The following SCRT2 variants were observed in gnomAD, a reference collection of about 807,000 sequenced individuals.
SCRT2 encodes the protein transcriptional repressor scratch 2.
SCRT2 carries 2 observed loss-of-function variants against 3.7 expected under a neutral mutation model. The observed-to-expected ratio is 0.54, with a 90% CI of 0.22 to 1.70. The LOEUF (loss-of-function observed/expected upper bound fraction) is 1.70. Ranked by LOEUF, SCRT2 falls within the 40% of genes most tolerant of loss-of-function variation. The pLI, the probability that SCRT2 is intolerant of heterozygous loss-of-function variation, is 0.19. For missense variants in SCRT2, 456 were observed against 468.5 expected, an observed-to-expected ratio of 0.97 and a Z score of 0.25; for synonymous variants, 256 against 220.6, an observed-to-expected ratio of 1.16 and a Z score of -1.42.
chr20:674,378 A>ATCTC (rs142958054), intron 1 of SCRT2, among the ~76,000 whole-genome samples: 9 of 102,132 alleles, frequency 8.8e-5, no homozygotes, highest in African/African-American at 3.3e-4. Context: ...CCCCACCCCC[A>ATCTC]TCTCTCTCTC....
chr20:672,418 TGTGTGC>T (rs1274601206), intron 1 of SCRT2, among the ~76,000 whole-genome samples: 1 of 133,320 alleles, frequency 7.5e-6, no homozygotes, highest in Admixed American at 7.5e-5. Context: ...TGTGTGTGTG[TGTGTGC>T]GCGCGTGCGT....
chr20:675,427 G>T lies in SCRT2; in HGVS notation c.133+42C>A. 6 of 1,282,086 alleles carry T rather than the reference G, an allele frequency of 4.7e-6. No homozygotes were observed. The highest frequency in any genetic ancestry group is 6.0e-6 in the Non-Finnish European group (6 of 1,003,506). The allele number at this position is 1,282,086 out of a possible 1,614,324, so 79.4% of individuals were successfully genotyped here. A position where few individuals can be genotyped will look rare whatever the true frequency, so the allele number is the denominator to read the frequency against. On this transcript the variant is annotated intron_variant, in intron 1 of 1. Transcript: ENST00000246104. The surrounding 1 kb of genome is among the most constrained non-coding windows in gnomAD (Gnocchi z 6.9). Reference sequence around the variant, plus strand: ...GCTGGGGAGGGCCCCAGCTCCCCTCGCCTCTTCTCCCAACCCCCCGCCCCC... The same window carrying T: ...GCTGGGGAGGGCCCCAGCTCCCCTCTCCTCTTCTCCCAACCCCCCGCCCCC...
Position 667,221 on chromosome 20 carries a change from C to T in SCRT2, c.134-2760G>A, listed in dbSNP as rs754967227. ...CTTTCCACACATGAAAGCATTCTAC[C>T]CCCATGACACACAAGGTGGTAGGTA... is the stretch of plus-strand genomic sequence containing the variant. On this transcript the variant is annotated intron_variant, in intron 1 of 1. Coordinates refer to ENST00000246104, the MANE Select transcript of SCRT2 (RefSeq NM_033129.4). The surrounding 1 kb of genome is among the most constrained non-coding windows in gnomAD (Gnocchi z 4.4). Among the ~76,000 whole-genome samples, 4 of 152,142 alleles carry T rather than the reference C, an allele frequency of 2.6e-5. No homozygotes were observed. The highest frequency in any genetic ancestry group is 4.4e-5 in the Non-Finnish European group (3 of 68,026).
chr20:674,805 G>A (rs983369309), intron 1 of SCRT2, among the ~76,000 whole-genome samples: 1 of 151,976 alleles, frequency 6.6e-6, no homozygotes, highest in Non-Finnish European at 1.5e-5. Flanking sequence ...CTGGGGATGG[G>A]GAAGGAGTGC....
chr20:664,410 G>A lies in SCRT2; in HGVS notation c.185C>T (p.Pro62Leu). 1 of 1,370,754 alleles carries A rather than the reference G, an allele frequency of 7.3e-7. No individual in the cohort carries two copies. The highest frequency in any genetic ancestry group is 1.5e-5 in the African/African-American group (1 of 67,370). The allele number at this position is 1,370,754 out of a possible 1,614,324, so 84.9% of individuals were successfully genotyped here. A position where few individuals can be genotyped will look rare whatever the true frequency, so the allele number is the denominator to read the frequency against. ...PPSSYDADQKPGLELAPAEPA... is the reference protein window; with the variant it reads ...PPSSYDADQKLGLELAPAEPA... ...CTCGGCCGGGGCCAGCTCCAGGCCC[G>A]GCTTCTGGTCCGCATCGTAGCTGCT... The change falls in exon 2 of 2, where the codon CCG (proline) becomes CTG (leucine). Residue 62 changes from proline to leucine, a missense_variant. Pro to Leu is a moderately conservative substitution (Grantham distance 98). This residue lies in a region of SCRT2 where 306 missense variants were observed against 305.3 expected (regional missense o/e 1.00). Transcript: ENST00000246104. The surrounding 1 kb of genome is among the most constrained non-coding windows in gnomAD (Gnocchi z 7.9).
rs1405219126 is a variant in SCRT2, at chr20:664,874, C to G, written c.134-413G>C. Among the ~76,000 whole-genome samples the G allele has an allele frequency of 6.6e-6, 1 of 152,238 alleles. No homozygotes were observed. The highest frequency in any genetic ancestry group is 1.5e-5 in the Non-Finnish European group (1 of 68,038). On this transcript the variant is annotated intron_variant, in intron 1 of 1. Transcript: ENST00000246104. The surrounding 1 kb of genome is among the most constrained non-coding windows in gnomAD (Gnocchi z 7.9). ...CCCTGAAGCCCATGCTGTCTCTATT[C>G]CAACAACATGCTGCCGTTGCAGCCC...
rs997090667 is a variant in SCRT2 at position 663,932 on chromosome 20, G to A, written c.663C>T (p.Phe221=). ...GACCCTGCAGCAGCCAGGGCCGCGA[G>A]AAGGCCTTGCCGCAGACGCCGCACT... The part of the protein sequence containing the change: ...RHKCGVCGKA[F]SRPWLLQGHM... The change falls in exon 2 of 2, where the codon TTC becomes TTT. Residue 221 remains phenylalanine, a synonymous_variant. Coordinates refer to ENST00000246104, the MANE Select transcript of SCRT2 (RefSeq NM_033129.4). This position sits in a 1 kb window ranked among gnomAD's most constrained non-coding sequence, Gnocchi z 6.9. The A allele has an allele frequency of 3.0e-5, 48 of 1,608,638 alleles. No homozygotes were observed. The Middle Eastern group carries it at 5.2e-4, about 17-fold the overall frequency.
rs1482018915 is a variant in SCRT2 at position 664,029 on chromosome 20, G to T, written c.566C>A (p.Pro189Gln). The change falls in exon 2 of 2, where the codon CCG becomes CAG. Residue 189 changes from proline to glutamine, a missense_variant. This residue lies in a region of SCRT2 where 306 missense variants were observed against 305.3 expected (regional missense o/e 1.00). Transcript: ENST00000246104. This position sits in a 1 kb window ranked among gnomAD's most constrained non-coding sequence, Gnocchi z 7.9. ...GGACACGTAGGCCTTGCCGCACGTC[G>T]GGCATTTGCGCGCCAGCTGGCTGTC... ...SLDSQLARKC[P>Q]TCGKAYVSMP... is the part of the protein sequence containing the mutation. The T allele has an allele frequency of 2.5e-6, 4 of 1,612,002 alleles. No individual in the cohort carries two copies. The highest frequency in any genetic ancestry group is 3.4e-6 in the Non-Finnish European group (4 of 1,179,606).
In SCRT2 at chr20:675,453, GC is replaced by G; in HGVS notation, c.133+15del. 7.7e-7 allele frequency: 1 copy of G among 1,294,496 alleles called. No individual in the cohort carries two copies. The highest frequency in any genetic ancestry group is 2.9e-5 in the East Asian group (1 of 33,942). 80.2% of individuals were successfully genotyped at this position (1,294,496 alleles called of 1,614,324 possible). A position where few individuals can be genotyped will look rare whatever the true frequency, so the allele number is the denominator to read the frequency against. On this transcript the variant is annotated intron_variant, in intron 1 of 1. Coordinates refer to ENST00000246104, the MANE Select transcript of SCRT2 (RefSeq NM_033129.4). This position sits in a 1 kb window ranked among gnomAD's most constrained non-coding sequence, Gnocchi z 6.9. ...CCTCTTCTCCCAACCCCCCGCCCCC[GC>G]CGGGTCCCACTCACCGTTGTCCCCG...
rs1202796630 is a variant in SCRT2 at position 663,428 on chromosome 20, G to C, written c.*243C>G. The C allele has an allele frequency of 5.2e-6, 2 of 384,584 alleles. No individual in the cohort carries two copies. The highest frequency in any genetic ancestry group is 4.2e-5 in the African/African-American group (2 of 47,392). 23.8% of individuals were successfully genotyped at this position (384,584 alleles called of 1,614,324 possible). On this transcript the variant is annotated 3_prime_UTR_variant, in exon 2 of 2. Transcript: ENST00000246104. This position sits in a 1 kb window ranked among gnomAD's most constrained non-coding sequence, Gnocchi z 6.9. ...GAGCCTTGAAGGCGCGGACAGGGGG[G>C]TCAAGGTCCGAGGGATGGCCGGAAA...
intron 1 of SCRT2, among the ~76,000 whole-genome samples, chr20:674,338 C>T (rs1984440181): frequency 6.6e-6 from 1 of 151,450 alleles, no homozygotes; most frequent in Non-Finnish European, 1.5e-5. Context: ...TTTCTCCTCT[C>T]TCAATCTCCC....
rs747328823 is a variant in SCRT2, at chr20:664,343, G to C, written c.252C>G (p.Pro84=). ...CCGACAGGCTCGACTGCGGGCTTTC[G>C]GGGTCGCTGTACTCCTCCGGCGCCG... ...PPAAPEEYSD[P]ESPQSSLSAR... is the part of the protein sequence containing the mutation. Residue 84 remains proline (P), a synonymous_variant, in exon 2 of 2, where the codon CCC becomes CCG. Transcript: ENST00000246104. This position sits in a 1 kb window ranked among gnomAD's most constrained non-coding sequence, Gnocchi z 7.9. 5 of 1,494,148 alleles carry C rather than the reference G, an allele frequency of 3.3e-6. No homozygotes were observed. Among genetic ancestry groups the C allele is most frequent in the Admixed American group, 1.9e-5 (1 of 51,984 alleles). The allele number at this position is 1,494,148 out of a possible 1,614,324, so 92.6% of individuals were successfully genotyped here.
At chr20:674,471 C>A (rs1441896843) in intron 1 of SCRT2, among the ~76,000 whole-genome samples, 4 of 150,786 alleles carry the variant, frequency 2.7e-5, no homozygotes, top group African/African-American at 9.8e-5. Flanking sequence ...GATGTCAGAT[C>A]TCTCACTACC....
At chr20:672,669 TAAG>T (rs1475244797) in intron 1 of SCRT2, among the ~76,000 whole-genome samples, 1 of 150,710 alleles carries the variant, frequency 6.6e-6, no homozygotes, top group East Asian at 1.9e-4. Context: ...GAATGGCTTG[TAAG>T]AAGATCTTTC....
At chr20:672,418 T>C (rs142987919) in intron 1 of SCRT2, among the ~76,000 whole-genome samples, 11,344 of 133,250 alleles carry the variant, frequency 0.085, 738 homozygotes, top group East Asian at 0.29. Context: ...TGTGTGTGTG[T>C]GTGTGCGCGC....
rs538062821 is a variant in SCRT2, at chr20:664,453, G to A, written c.142C>T (p.Pro48Ser). The A allele has an allele frequency of 2.4e-4, 310 of 1,267,526 alleles. No individual in the cohort carries two copies. The African/African-American group carries it at 4.4e-3, about 18-fold the overall frequency. 78.5% of individuals were successfully genotyped at this position (1,267,526 alleles called of 1,614,324 possible). ...RGPPGDNGYAPHRLPPSSYDA... is the reference protein window; with the variant it reads ...RGPPGDNGYASHRLPPSSYDA... ...TAGCTGCTCGGGGGCAGGCGGTGCG[G>A]GGCGTACCCTGGAGGGGGCGAGAAG... is the stretch of plus-strand genomic sequence containing the variant. The change falls in exon 2 of 2, where the codon CCG (proline) becomes TCG (serine). Residue 48 changes from proline (P) to serine (S), a missense_variant. Transcript: ENST00000246104. The surrounding 1 kb of genome is among the most constrained non-coding windows in gnomAD (Gnocchi z 7.9).
chr20:664,437 G>A lies in SCRT2; in HGVS notation c.158C>T (p.Pro53Leu), dbSNP rs746037825. Residue 53 changes from proline (P) to leucine (L), a missense_variant, in exon 2 of 2, where the codon CCG (proline) becomes CTG (leucine). Coordinates refer to ENST00000246104, the MANE Select transcript of SCRT2 (RefSeq NM_033129.4). The surrounding 1 kb of genome is among the most constrained non-coding windows in gnomAD (Gnocchi z 7.9). Reference protein sequence around the residue: ...DNGYAPHRLPPSSYDADQKPG... With the variant: ...DNGYAPHRLPLSSYDADQKPG... ...CTTCTGGTCCGCATCGTAGCTGCTC[G>A]GGGGCAGGCGGTGCGGGGCGTACCC... 2 of 1,288,794 alleles carry A rather than the reference G, an allele frequency of 1.6e-6. No homozygotes were observed. The highest frequency in any genetic ancestry group is 1.5e-5 in the African/African-American group (1 of 65,552). 79.8% of individuals were successfully genotyped at this position (1,288,794 alleles called of 1,614,324 possible). A position where few individuals can be genotyped will look rare whatever the true frequency, so the allele number is the denominator to read the frequency against.
intron 1 of SCRT2, among the ~76,000 whole-genome samples, chr20:668,445 G>A (rs564943626): frequency 6.6e-6 from 1 of 152,264 alleles, no homozygotes; most frequent in South Asian, 2.1e-4. Context: ...TCTTGTTTGG[G>A]TTCCCACAGA....
rs1984199492 is a variant in SCRT2 at position 667,712 on chromosome 20, G to A, written c.134-3251C>T. Among the ~76,000 whole-genome samples the A allele has an allele frequency of 6.6e-6, 1 of 152,178 alleles. No individual in the cohort carries two copies. The highest frequency in any genetic ancestry group is 1.5e-5 in the Non-Finnish European group (1 of 68,046). ...GCTCATTTGCCTAGGGAGGGCTGCAGAAGTGTCTTCAGGATAGGAATTGTG... is the reference window on the plus strand; with the variant it reads ...GCTCATTTGCCTAGGGAGGGCTGCAAAAGTGTCTTCAGGATAGGAATTGTG... On this transcript the variant is annotated intron_variant, in intron 1 of 1. Transcript: ENST00000246104. This position sits in a 1 kb window ranked among gnomAD's most constrained non-coding sequence, Gnocchi z 4.4.
Sources: allele counts gnomAD v4.1 joint callset (sites outside exome capture counted in the v4.1 genomes callset), GRCh38; gene constraint gnomAD v4.1.1; regional missense constraint gnomAD v4.1.1; non-coding constraint Gnocchi (gnomAD v3.1); transcripts MANE v1.5; gene names NCBI Gene and HGNC (gene_info 2026-07-23, HGNC 2026-07-21).